Variants in ADGRL3 observed in about 807,000 individuals in gnomAD.
ADGRL3 encodes adhesion G protein-coupled receptor L3.
Under a neutral mutation model 153.5 loss-of-function variants are expected in ADGRL3, and 62 were observed. The observed-to-expected ratio is 0.40, with a 90% CI of 0.33 to 0.50. ADGRL3 has a LOEUF of 0.50. Among genes scored for constraint, ADGRL3 ranks in the 20% least tolerant of loss-of-function variants. ADGRL3 has a pLI of 0.47. For missense variants in ADGRL3, 1,641 were observed against 1,859.4 expected, an observed-to-expected ratio of 0.88 and a Z score of 2.16; for synonymous variants, 710 against 672.5, an observed-to-expected ratio of 1.06 and a Z score of -0.86.
At chr4:61,648,273 A>G (rs189775029) in intron 5 of ADGRL3, among the ~76,000 whole-genome samples, 18 of 151,708 alleles carry the variant, frequency 1.2e-4, no homozygotes, top group Middle Eastern at 3.4e-3. Flanking sequence ...GAAATAAAAT[A>G]TGTAAAAGAA....
rs904027027 is a variant in ADGRL3 at position 61,392,168 on chromosome 4, C to G, written c.-174+8979C>G. On this transcript the variant is annotated intron_variant, in intron 2 of 26. Transcript: ENST00000683033. ...ACAGGCGTGAGCCCCCCTGCCCGGCCAAAATGCTACTTTTATGATATTTTC... is the reference window on the plus strand; with the variant it reads ...ACAGGCGTGAGCCCCCCTGCCCGGCGAAAATGCTACTTTTATGATATTTTC... Among the ~76,000 whole-genome samples the G allele has an allele frequency of 1.7e-4, 26 of 151,472 alleles. 1 individual carries two copies. Among genetic ancestry groups the G allele is most frequent in the Admixed American group, 1.4e-3 (21 of 15,194 alleles).
intron 2 of ADGRL3, among the ~76,000 whole-genome samples, chr4:61,436,089 G>A (rs1403301449): frequency 6.6e-6 from 1 of 152,080 alleles, no homozygotes; most frequent in Non-Finnish European, 1.5e-5. Flanking sequence ...TTTAAAAACA[G>A]TGTTTGCCTA....
At chr4:61,718,766 C>T (rs1341696095) in intron 6 of ADGRL3, among the ~76,000 whole-genome samples, 1 of 152,080 alleles carries the variant, frequency 6.6e-6, no homozygotes, top group East Asian at 1.9e-4. Context: ...TTTTATGACC[C>T]TTCTACAGAT....
intron 1 of ADGRL3, among the ~76,000 whole-genome samples, chr4:61,333,863 G>C (rs2095623354): frequency 6.7e-6 from 1 of 149,170 alleles, no homozygotes; most frequent in Non-Finnish European, 1.5e-5. Flanking sequence ...TGATCTTTCT[G>C]TCTTGGCCTC....
At chr4:61,609,497 G>A (rs905330536) in intron 5 of ADGRL3, among the ~76,000 whole-genome samples, 2 of 151,954 alleles carry the variant, frequency 1.3e-5, no homozygotes. Flanking sequence ...AAAATTAAAG[G>A]AGTAAACATG....
chr4:61,520,257 A>G (rs991314181), intron 4 of ADGRL3, among the ~76,000 whole-genome samples: 2 of 152,180 alleles, frequency 1.3e-5, no homozygotes, highest in Non-Finnish European at 2.9e-5. Flanking sequence ...GGCTTTCCCT[A>G]GAAGCTAAAG....
chr4:61,821,018 G>T (rs553504724), intron 9 of ADGRL3, among the ~76,000 whole-genome samples: 2 of 152,118 alleles, frequency 1.3e-5, no homozygotes, highest in Non-Finnish European at 2.9e-5. Context: ...ACATATACCA[G>T]TTGGGACACA....
chr4:61,715,250 G>A (rs1353563778), intron 6 of ADGRL3, among the ~76,000 whole-genome samples: 1 of 152,156 alleles, frequency 6.6e-6, no homozygotes, highest in Non-Finnish European at 1.5e-5. Flanking sequence ...AATTGAAGAT[G>A]TCTTACTCAA....
At chr4:61,375,167 G>T (rs2151810723) in intron 1 of ADGRL3, among the ~76,000 whole-genome samples, 1 of 152,084 alleles carries the variant, frequency 6.6e-6, no homozygotes, top group Middle Eastern at 3.4e-3. Context: ...AATCTATCAT[G>T]AGTCTGTAGA....
At chr4:61,888,067 G>T (rs1320486639) in intron 9 of ADGRL3, among the ~76,000 whole-genome samples, 2 of 152,088 alleles carry the variant, frequency 1.3e-5, no homozygotes, top group Non-Finnish European at 2.9e-5. Context: ...AAGGACAGGA[G>T]AATTAAAATT....
chr4:61,551,117 C>T lies in ADGRL3; in HGVS notation c.259+33599C>T, dbSNP rs554174551. 1.3e-5 allele frequency among the ~76,000 whole-genome samples: 2 copies of T among 152,186 alleles called. 1 individual carries two copies. Among genetic ancestry groups the T allele is most frequent in the South Asian group, 4.1e-4 (2 of 4,824 alleles). On this transcript the variant is annotated intron_variant, in intron 4 of 26. Coordinates refer to ENST00000683033, the MANE Select transcript of ADGRL3 (RefSeq NM_001387552.1). ...GTAGGCTGTAAGTAAACACCTGATC[C>T]AAGGGTGACTGTGAATATTCCTTTT...
intron 4 of ADGRL3, among the ~76,000 whole-genome samples, chr4:61,570,113 A>C (rs1024717083): frequency 8.6e-5 from 13 of 152,000 alleles, no homozygotes; most frequent in African/African-American, 3.1e-4. Flanking sequence ...AATTCATATG[A>C]TCATCATTTA....
At chr4:61,964,578 C>T (rs981966119) in intron 17 of ADGRL3, among the ~76,000 whole-genome samples, 1 of 151,938 alleles carries the variant, frequency 6.6e-6, no homozygotes, top group South Asian at 2.1e-4. Context: ...AACTTCCCAA[C>T]TCTTTCAAAT....
intron 17 of ADGRL3, among the ~76,000 whole-genome samples, chr4:61,966,838 TAAAGTCA>T (rs1309826316): frequency 6.6e-6 from 1 of 152,102 alleles, no homozygotes; most frequent in African/African-American, 2.4e-5. Context: ...ACACCTATTG[TAAAGTCA>T]AAAAATCATC....
intron 8 of ADGRL3, among the ~76,000 whole-genome samples, chr4:61,759,479 T>C (rs904560589): frequency 8.5e-5 from 13 of 152,218 alleles, no homozygotes; most frequent in African/African-American, 3.1e-4. Flanking sequence ...ACGAGGCTTG[T>C]GCATTCGTCA....
intron 17 of ADGRL3, among the ~76,000 whole-genome samples, chr4:61,954,465 A>C (rs1380247121): frequency 6.6e-6 from 1 of 152,070 alleles, no homozygotes; most frequent in African/African-American, 2.4e-5. Flanking sequence ...GAGTTAGATC[A>C]TGTCACTCCT....
chr4:62,039,124 T>G (rs192401370), intron 24 of ADGRL3, among the ~76,000 whole-genome samples: 16 of 152,296 alleles, frequency 1.1e-4, no homozygotes, highest in Admixed American at 5.2e-4. Flanking sequence ...CATTTTTTAT[T>G]TGATGGATGT....
chr4:61,210,024 C>T (rs972084948), intron 1 of ADGRL3, among the ~76,000 whole-genome samples: 1 of 152,108 alleles, frequency 6.6e-6, no homozygotes, highest in Non-Finnish European at 1.5e-5. Context: ...GCTTTAAAGA[C>T]TAAAACTTTT....
At chr4:61,458,650 C>T (rs2097778755) in intron 2 of ADGRL3, among the ~76,000 whole-genome samples, 1 of 151,452 alleles carries the variant, frequency 6.6e-6, no homozygotes, top group Non-Finnish European at 1.5e-5. Context: ...ATAATGCTTT[C>T]TTGCCAAGAA....
Sources: allele counts gnomAD v4.1 joint callset (sites outside exome capture counted in the v4.1 genomes callset), GRCh38; gene constraint gnomAD v4.1.1; transcripts MANE v1.5; gene names NCBI Gene and HGNC (gene_info 2026-07-23, HGNC 2026-07-21).